CATSPERE: variants seen among roughly 807,000 people sequenced by gnomAD.
The protein encoded by CATSPERE is catsper channel auxiliary subunit epsilon.
A neutral mutation model predicts 114.1 loss-of-function variants in CATSPERE; 93 were observed. That is an observed-to-expected ratio of 0.81 (90% CI 0.69 to 0.97). CATSPERE has a LOEUF of 0.97. Ranked by LOEUF, CATSPERE falls within the 50% of genes least tolerant of loss-of-function variation. The probability of loss-of-function intolerance (pLI) is 0.00; values close to 1 mark genes in which losing one functional copy is unlikely to be tolerated. For synonymous variants in CATSPERE, 341 were observed against 384.1 expected (o/e 0.89, Z 1.31); for missense variants, 1,058 against 1,131.6 (o/e 0.93, Z 0.93).
chr1:244,496,597 A>C (rs998755155), intron 6 of CATSPERE, among the ~76,000 whole-genome samples: 2 of 152,232 alleles, frequency 1.3e-5, no homozygotes, highest in African/African-American at 4.8e-5. Flanking sequence ...AAAACTTCAG[A>C]ACTCTCCTGA....
chr1:244,632,538 T>A (rs566886195), intron 20 of CATSPERE, among the ~76,000 whole-genome samples: 175 of 152,030 alleles, frequency 1.2e-3, no homozygotes, highest in African/African-American at 4.1e-3. Context: ...AAGATTCTTA[T>A]ACTTAAGAAT....
At position 244,575,572 on chromosome 1, in the gene CATSPERE, G is replaced by A. The variant is rs909497957; in HGVS notation, c.1950+2800G>A. Among the ~76,000 whole-genome samples, 9 of 152,154 alleles carry A rather than the reference G, an allele frequency of 5.9e-5. No individual in the cohort carries two copies. Among genetic ancestry groups the A allele is most frequent in the African/African-American group, 2.2e-4 (9 of 41,424 alleles). On this transcript the variant is annotated intron_variant, in intron 11 of 21. Coordinates refer to ENST00000366534, the MANE Select transcript of CATSPERE (RefSeq NM_001130957.2). This position sits in a 1 kb window ranked among gnomAD's most constrained non-coding sequence, Gnocchi z 4.5. ...CTCTAGCTGCATGGCTGGGTGCGAG[G>A]AGAGCATCCTAGCCACTGCCACTCT... is the stretch of plus-strand genomic sequence containing the variant.
chr1:244,499,808 G>C (rs1324360069), intron 7 of CATSPERE, among the ~76,000 whole-genome samples: 1 of 152,100 alleles, frequency 6.6e-6, no homozygotes, highest in Non-Finnish European at 1.5e-5. Context: ...AAACATACGT[G>C]TGCATGTGTC....
chr1:244,589,592 C>T (rs1480204535), intron 14 of CATSPERE, among the ~76,000 whole-genome samples: 1 of 152,164 alleles, frequency 6.6e-6, no homozygotes, highest in East Asian at 1.9e-4. Flanking sequence ...TCTCAGGCCT[C>T]ATCCCACACC....
At chr1:244,539,619 G>C (rs926289098) in intron 8 of CATSPERE, among the ~76,000 whole-genome samples, 2 of 147,590 alleles carry the variant, frequency 1.4e-5, no homozygotes, top group Admixed American at 6.9e-5. Context: ...CTTTTTGGTT[G>C]GTAAGCTATT....
intron 7 of CATSPERE, among the ~76,000 whole-genome samples, chr1:244,516,191 A>AAATAATAATAATAAT (rs146704402): frequency 6.7e-6 from 1 of 150,170 alleles, no homozygotes; most frequent in African/African-American, 2.4e-5. Flanking sequence ...ACCTTGTCTC[A>AAATAATAATAATAAT]AATAATAATA....
intron 11 of CATSPERE, among the ~76,000 whole-genome samples, chr1:244,574,626 T>C (rs1206017421): frequency 6.6e-6 from 1 of 152,102 alleles, no homozygotes; most frequent in African/African-American, 2.4e-5. Context: ...TAGAGTAAAA[T>C]GGATAGCCAG....
At chr1:244,596,166 G>A (rs1291653375) in intron 17 of CATSPERE, among the ~76,000 whole-genome samples, 1 of 152,136 alleles carries the variant, frequency 6.6e-6, no homozygotes, top group Admixed American at 6.5e-5. Flanking sequence ...ATTTGCATAA[G>A]ACATTCCCAC....
At chr1:244,536,937 T>G (rs1268159068) in intron 8 of CATSPERE, among the ~76,000 whole-genome samples, 1 of 48 alleles carries the variant, frequency 0.021, no homozygotes, top group Non-Finnish European at 0.17. Flanking sequence ...TTCCAGGAGT[T>G]TTTTTTTTTT....
intron 20 of CATSPERE, among the ~76,000 whole-genome samples, chr1:244,621,319 T>TAA (rs1672352034): frequency 0.019 from 90 of 4,642 alleles, no homozygotes; most frequent in Middle Eastern, 0.25. Context: ...ATATAAAATA[T>TAA]ATATATATAT....
chr1:244,480,681 C>T (rs1017362263), intron 5 of CATSPERE, among the ~76,000 whole-genome samples: 6 of 61,650 alleles, frequency 9.7e-5, no homozygotes, highest in Non-Finnish European at 1.8e-4. Context: ...CCCTTAAAGT[C>T]AGATGGTTCT....
intron 2 of CATSPERE, among the ~76,000 whole-genome samples, chr1:244,477,299 G>A (rs1669533382): frequency 1.3e-5 from 2 of 152,078 alleles, no homozygotes; most frequent in Non-Finnish European, 2.9e-5. Flanking sequence ...CCCGGCCAAT[G>A]GATTATTGCT....
chr1:244,493,297 A>G (rs527408767), intron 6 of CATSPERE, among the ~76,000 whole-genome samples: 45 of 152,358 alleles, frequency 3.0e-4, no homozygotes, highest in Non-Finnish European at 4.9e-4. Context: ...ATACTGCCAC[A>G]TATCTACAAC....
chr1:244,552,343 A>G lies in CATSPERE; in HGVS notation c.558A>G (p.Pro186=), dbSNP rs769611356. The change falls in exon 9 of 22, where the codon CCA becomes CCG. Residue 186 remains proline (P), a synonymous_variant. Transcript: ENST00000366534. The part of the protein sequence containing the change: ...MRRGTWRIVV[P]MTKDDALKEI... Reference sequence around the variant, plus strand: ...TTAGGACCTGGCGTATTGTAGTACCAATGACAAAAGATGATGCACTAAAGG... The same window carrying G: ...TTAGGACCTGGCGTATTGTAGTACCGATGACAAAAGATGATGCACTAAAGG... The G allele has an allele frequency of 6.2e-7, 1 of 1,611,824 alleles. No homozygotes were observed. Among genetic ancestry groups the G allele is most frequent in the Non-Finnish European group, 8.5e-7 (1 of 1,178,924 alleles).
chr1:244,595,401 G>C (rs904300715), intron 17 of CATSPERE, among the ~76,000 whole-genome samples: 2 of 152,212 alleles, frequency 1.3e-5, no homozygotes, highest in African/African-American at 4.8e-5. Context: ...TGAGTATTTT[G>C]CTAGAGGCAG....
chr1:244,580,958 G>A (rs947615054), intron 11 of CATSPERE, among the ~76,000 whole-genome samples: 25 of 152,058 alleles, frequency 1.6e-4, no homozygotes, highest in South Asian at 4.2e-4. Flanking sequence ...CCAAGATTGC[G>A]CCATTGCACT....
chr1:244,522,117 G>A (rs545865085), intron 8 of CATSPERE, among the ~76,000 whole-genome samples: 6 of 152,206 alleles, frequency 3.9e-5, no homozygotes, highest in South Asian at 2.1e-4. Flanking sequence ...TAAAAGAACA[G>A]AAATTATAAC....
chr1:244,596,724 A>G (rs1668480813), intron 17 of CATSPERE, among the ~76,000 whole-genome samples: 2 of 151,682 alleles, frequency 1.3e-5, no homozygotes, highest in South Asian at 2.1e-4. Flanking sequence ...ATGTATACCT[A>G]TGTAACAAAC....
intron 21 of CATSPERE, among the ~76,000 whole-genome samples, chr1:244,639,636 G>A (rs184293614): frequency 4.1e-5 from 6 of 146,078 alleles, no homozygotes; most frequent in African/African-American, 1.3e-4. Context: ...CTTCCAGTGA[G>A]CCATTGCCCT....
Sources: allele counts gnomAD v4.1 joint callset (sites outside exome capture counted in the v4.1 genomes callset), GRCh38; gene constraint gnomAD v4.1.1; non-coding constraint Gnocchi (gnomAD v3.1); transcripts MANE v1.5; gene names NCBI Gene and HGNC (gene_info 2026-07-23, HGNC 2026-07-21).